Variants in CPA6 observed in about 807,000 individuals in gnomAD.
The protein encoded by CPA6 is carboxypeptidase B.
In CPA6, 58 loss-of-function variants were observed where a neutral mutation model predicts 63.3. The ratio of observed to expected loss-of-function variants is 0.92; its 90% CI spans 0.74 to 1.14. The LOEUF (loss-of-function observed/expected upper bound fraction) is 1.14. CPA6 is among the 50% of genes most tolerant of loss of function. The pLI is 0.00. For synonymous variants in CPA6, 185 were observed against 179.0 expected, an observed-to-expected ratio of 1.03 and a Z score of -0.27; for missense variants, 565 against 526.6, an observed-to-expected ratio of 1.07 and a Z score of -0.71.
intron 9 of CPA6, among the ~76,000 whole-genome samples, chr8:67,433,553 C>A (rs938760054): frequency 1.3e-5 from 2 of 152,170 alleles, no homozygotes; most frequent in Non-Finnish European, 2.9e-5. Flanking sequence ...TTAAAACCTG[C>A]TTTTAATTAA....
At chr8:67,731,619 G>C (rs1218444073) in intron 1 of CPA6, among the ~76,000 whole-genome samples, 2 of 152,144 alleles carry the variant, frequency 1.3e-5, no homozygotes, top group Admixed American at 6.5e-5. Flanking sequence ...AATTTTTACT[G>C]TTGCCTTATT....
chr8:67,600,521 T>C (rs1814468435), intron 2 of CPA6, among the ~76,000 whole-genome samples: 1 of 152,196 alleles, frequency 6.6e-6, no homozygotes, highest in South Asian at 2.1e-4. Context: ...GTGTTCTCAC[T>C]ACAAAAAATG....
intron 1 of CPA6, among the ~76,000 whole-genome samples, chr8:67,729,863 A>G (rs1425160602): frequency 6.6e-6 from 1 of 152,248 alleles, no homozygotes; most frequent in Non-Finnish European, 1.5e-5. Flanking sequence ...ACAGCAGGTA[A>G]AGAAAGTTAC....
intron 1 of CPA6, among the ~76,000 whole-genome samples, chr8:67,712,799 T>C (rs138650902): frequency 5.3e-5 from 8 of 152,132 alleles, no homozygotes; most frequent in African/African-American, 1.9e-4. Context: ...AGAAATTTCA[T>C]GCCATCCTGC....
At chr8:67,462,953 A>G (rs1317199809) in intron 8 of CPA6, among the ~76,000 whole-genome samples, 1 of 152,212 alleles carries the variant, frequency 6.6e-6, no homozygotes, top group African/African-American at 2.4e-5. Flanking sequence ...GGAGAGGTAT[A>G]GTCAAATGAC....
chr8:67,636,715 T>C (rs1214292881), intron 1 of CPA6, among the ~76,000 whole-genome samples: 4 of 151,560 alleles, frequency 2.6e-5, no homozygotes, highest in Non-Finnish European at 5.9e-5. Context: ...GCTTGTATCC[T>C]GTGGAAAAGT....
In CPA6 at chr8:67,640,568, GT is replaced by G. The variant is rs544989594; in HGVS notation, c.117-16318del. The stretch of plus-strand genomic sequence containing the variant: ...GAGATGCCTGGGTCTGCACCTGTGG[GT>G]TGGGCGACTGTTGCTGTGCCTGGGA... On this transcript the variant is annotated intron_variant, in intron 1 of 10. Transcript: ENST00000297770. Among the ~76,000 whole-genome samples the G allele has an allele frequency of 8.3e-3, 1,256 of 150,676 alleles. 13 individuals carry two copies. Among genetic ancestry groups the G allele is most frequent in the Non-Finnish European group, 0.012 (820 of 67,774 alleles).
chr8:67,518,597 C>A (rs901217845), intron 2 of CPA6, among the ~76,000 whole-genome samples: 1 of 150,364 alleles, frequency 6.7e-6, no homozygotes, highest in Non-Finnish European at 1.5e-5. Context: ...ATCTCTGCCT[C>A]CTGGGTTTAA....
chr8:67,601,480 A>G (rs780331409), intron 2 of CPA6, among the ~76,000 whole-genome samples: 6 of 152,194 alleles, frequency 3.9e-5, no homozygotes, highest in Non-Finnish European at 8.8e-5. Context: ...GAAATATGCC[A>G]CACAGAATTG....
At chr8:67,583,724 T>C (rs1248120827) in intron 2 of CPA6, among the ~76,000 whole-genome samples, 3 of 152,124 alleles carry the variant, frequency 2.0e-5, no homozygotes, top group Non-Finnish European at 4.4e-5. Flanking sequence ...CTAGCGATTG[T>C]TAGGCGCTTG....
chr8:67,515,226 C>T (rs1008183105), intron 3 of CPA6, among the ~76,000 whole-genome samples: 6 of 152,134 alleles, frequency 3.9e-5, no homozygotes, highest in South Asian at 2.1e-4. Context: ...TCTTAGGATT[C>T]GCAGCAAAGG....
At position 67,671,266 on chromosome 8, in the gene CPA6, C is replaced by A. The variant is rs373506517; in HGVS notation, c.117-47015G>T. Among the ~76,000 whole-genome samples, 18 of 152,306 alleles carry A rather than the reference C, an allele frequency of 1.2e-4. No homozygotes were observed. In the South Asian group the frequency reaches 3.7e-3, roughly 32 times the overall value. On this transcript the variant is annotated intron_variant, in intron 1 of 10. Transcript: ENST00000297770. ...TTGCTGAAATTAAAATCTGCTGCCA[C>A]ATTTGTCTTTCAGTTGTCTGCAGCT...
chr8:67,472,527 C>A (rs1211525190), intron 8 of CPA6, among the ~76,000 whole-genome samples: 1 of 151,952 alleles, frequency 6.6e-6, no homozygotes, highest in Non-Finnish European at 1.5e-5. Context: ...TGGGCTCAAG[C>A]AATCCTAACC....
chr8:67,717,211 C>T (rs1018781631), intron 1 of CPA6, among the ~76,000 whole-genome samples: 11 of 152,164 alleles, frequency 7.2e-5, no homozygotes, highest in South Asian at 6.2e-4. Context: ...CCAAGCACAC[C>T]GAGTTTGGAT....
At chr8:67,699,589 C>CTT (rs532916921) in intron 1 of CPA6, among the ~76,000 whole-genome samples, 2 of 146,634 alleles carry the variant, frequency 1.4e-5, no homozygotes, top group South Asian at 2.2e-4. Flanking sequence ...GTTTTTTCTT[C>CTT]TTTTTTTTTT....
At chr8:67,646,692 C>G (rs1815721320) in intron 1 of CPA6, among the ~76,000 whole-genome samples, 1 of 152,046 alleles carries the variant, frequency 6.6e-6, no homozygotes, top group South Asian at 2.1e-4. Flanking sequence ...AATTGGGTGG[C>G]CATGGAAGGA....
chr8:67,659,390 C>G (rs1050543299), intron 1 of CPA6, among the ~76,000 whole-genome samples: 1 of 152,046 alleles, frequency 6.6e-6, no homozygotes, highest in East Asian at 1.9e-4. Flanking sequence ...CAGCACTACA[C>G]GTAAAGTGGG....
chr8:67,442,285 G>A (rs967412360), intron 8 of CPA6, among the ~76,000 whole-genome samples: 3 of 151,912 alleles, frequency 2.0e-5, no homozygotes, highest in African/African-American at 7.3e-5. Flanking sequence ...GATTATGCTG[G>A]AAGACATAAA....
intron 6 of CPA6, among the ~76,000 whole-genome samples, chr8:67,504,164 A>G (rs116716808): frequency 0.03 from 4,522 of 152,286 alleles, 226 homozygotes; most frequent in African/African-American, 0.1. Context: ...CCTGACTTCC[A>G]ACTGTGTGCA....
Sources: allele counts gnomAD v4.1 joint callset (sites outside exome capture counted in the v4.1 genomes callset), GRCh38; gene constraint gnomAD v4.1.1; transcripts MANE v1.5; gene names NCBI Gene and HGNC (gene_info 2026-07-23, HGNC 2026-07-21).